The following B4GALNT4 variants were observed in gnomAD, a reference collection of about 807,000 sequenced individuals.
B4GALNT4 encodes beta-1,4-N-acetyl-galactosaminyltransferase 4, also known as N-acetyl-beta-glucosaminyl-glycoprotein 4-beta-N-acetylgalactosaminyltransferase 1.
In B4GALNT4, 77 loss-of-function variants were observed where a neutral mutation model predicts 110.0. That is an observed-to-expected ratio of 0.70 (90% confidence interval 0.58 to 0.85). The LOEUF is 0.85. Among genes scored for constraint, B4GALNT4 ranks in the 40% least tolerant of loss-of-function variants. B4GALNT4 has a pLI of 0.00. For missense variants in B4GALNT4, 1,575 were observed against 1,506.0 expected, an observed-to-expected ratio of 1.05 and a Z score of -0.76; for synonymous variants, 785 against 655.5, an observed-to-expected ratio of 1.20 and a Z score of -3.02.
Position 372,184 on chromosome 11 carries a change from C to A in B4GALNT4, c.227C>A (p.Ser76Tyr). The stretch of plus-strand genomic sequence containing the variant: ...CCATCCACACAGAGGGCTGAGGACT[C>A]CAGTGAGAGCCGTGAAGAGGAGCAA... ...AAPSTQRAED[S>Y]SESREEEQAP... The change falls in exon 2 of 20, where the codon TCC becomes TAC. Residue 76 changes from serine to tyrosine, a missense_variant. Physicochemically the swap from Ser to Tyr is moderately radical, Grantham distance 144. Coordinates refer to ENST00000329962, the MANE Select transcript of B4GALNT4 (RefSeq NM_178537.5). 1 of 1,550,142 alleles carries A rather than the reference C, an allele frequency of 6.5e-7. No homozygotes were observed. Among genetic ancestry groups the A allele is most frequent in the African/African-American group, 1.4e-5 (1 of 73,148 alleles).
In B4GALNT4 at chr11:376,885, A is replaced by C; in HGVS notation, c.1762A>C (p.Arg588=). 1 of 1,351,016 alleles carries C rather than the reference A, an allele frequency of 7.4e-7. No individual in the cohort carries two copies. Among genetic ancestry groups the C allele is most frequent in the Non-Finnish European group, 9.5e-7 (1 of 1,054,124 alleles). 83.7% of individuals were successfully genotyped at this position (1,351,016 alleles called of 1,614,324 possible). A position where few individuals can be genotyped will look rare whatever the true frequency, so the allele number is the denominator to read the frequency against. ...CGGCGGCCCCCAGGCCACACAGCCG[A>C]GGCCCCCAGCCCGGGCGCAGGCCAC... ...RTGGPQATQP[R]PPARAQATQG... The change falls in exon 14 of 20, where the codon AGG becomes CGG. Residue 588 remains arginine, a synonymous_variant. Transcript: ENST00000329962.
Position 376,925 on chromosome 11 carries a change from A to T in B4GALNT4, c.1802A>T (p.Glu601Val). ...ARAQATQGGREGQARTLGPAA... is the reference protein window; with the variant it reads ...ARAQATQGGRVGQARTLGPAA... ...GCGCAGGCCACCCAAGGGGGCCGGG[A>T]GGGCCAGGCGCGCACGCTGGGACCT... is the stretch of plus-strand genomic sequence containing the variant. Residue 601 changes from glutamate (E) to valine (V), a missense_variant, in exon 14 of 20, where the codon GAG becomes GTG. Glu to Val is a moderately radical substitution (Grantham distance 121). Coordinates refer to ENST00000329962, the MANE Select transcript of B4GALNT4 (RefSeq NM_178537.5). The T allele has an allele frequency of 7.2e-7, 1 of 1,394,222 alleles. No individual in the cohort carries two copies. 86.4% of individuals were successfully genotyped at this position (1,394,222 alleles called of 1,614,324 possible).
At position 377,072 on chromosome 11, in the gene B4GALNT4, A is replaced by C; in HGVS notation, c.1949A>C (p.Glu650Ala). 1 of 1,444,252 alleles carries C rather than the reference A, an allele frequency of 6.9e-7. No homozygotes were observed. The highest frequency in any genetic ancestry group is 9.1e-7 in the Non-Finnish European group (1 of 1,098,678). The allele number at this position is 1,444,252 out of a possible 1,614,324, so 89.5% of individuals were successfully genotyped here. ...PGEGEEEEEG[E>A]DDGAPGDEAA... ...GAGGGCGAAGAGGAGGAGGAAGGGG[A>C]GGACGATGGGGCCCCGGGCGACGAG... The change falls in exon 14 of 20, where the codon GAG (glutamate) becomes GCG (alanine). Residue 650 changes from glutamate (E) to alanine (A), a missense_variant. Physicochemically the swap from Glu to Ala is moderately radical, Grantham distance 107. Coordinates refer to ENST00000329962, the MANE Select transcript of B4GALNT4 (RefSeq NM_178537.5).
intron 1 of B4GALNT4, among the ~76,000 whole-genome samples, chr11:371,806 A>G (rs1846622823): frequency 6.6e-6 from 1 of 152,214 alleles, no homozygotes; most frequent in South Asian, 2.1e-4. Context: ...GGGTGCCTAC[A>G]CACGCCAGCT....
chr11:378,074 C>T (rs182226799), intron 14 of B4GALNT4, among the ~76,000 whole-genome samples: 1 of 151,922 alleles, frequency 6.6e-6, no homozygotes, highest in Non-Finnish European at 1.5e-5. Context: ...TGGAAGGTTG[C>T]GAGCAGAGCA....
chr11:380,965 C>T lies in B4GALNT4; in HGVS notation c.2996+14C>T. On this transcript the variant is annotated intron_variant, in intron 19 of 19. Coordinates refer to ENST00000329962, the MANE Select transcript of B4GALNT4 (RefSeq NM_178537.5). ...GCTCCTGGACAGGTGACCACCTCCC[C>T]ACTCCCCAGAGGTGACACCCTGACC... 1 of 1,608,994 alleles carries T rather than the reference C, an allele frequency of 6.2e-7. No individual in the cohort carries two copies. Among genetic ancestry groups the T allele is most frequent in the African/African-American group, 1.3e-5 (1 of 74,850 alleles).
intron 18 of B4GALNT4, 154 bp from the exon 19 acceptor site, chr11:380,671 G>GC: frequency 7.3e-7 from 1 of 1,369,546 alleles, no homozygotes; most frequent in Middle Eastern, 1.8e-4. Flanking sequence ...CGCGCTCCAG[G>GC]GTCATGACCC....
At chr11:373,869 TC>T (rs1459995005) in intron 8 of B4GALNT4, 41 bp downstream of exon 8, 7 of 1,577,798 alleles carry the variant, frequency 4.4e-6, no homozygotes, top group Non-Finnish European at 4.3e-6. Context: ...GAGACTCCAC[TC>T]CCCCCACCTC....
chr11:372,048 G>T, intron 1 of B4GALNT4, 61 bp from the exon 2 acceptor site: 1 of 1,395,664 alleles, frequency 7.2e-7, no homozygotes, highest in East Asian at 2.5e-5. Flanking sequence ...GAACCCAGCA[G>T]CAGGCAGAAT....
In B4GALNT4 at chr11:369,564, G is replaced by A. The variant is rs1157791366; in HGVS notation, c.-240G>A. ...CCGCCCCAGGAGCGCGGAGCCGGGA[G>A]CGGCCGGGCGGGGGGCACCGCGAGG... On this transcript the variant is annotated 5_prime_UTR_variant, in exon 1 of 20. Coordinates refer to ENST00000329962, the MANE Select transcript of B4GALNT4 (RefSeq NM_178537.5). 7.0e-6 allele frequency among the ~76,000 whole-genome samples: 1 copy of A among 143,630 alleles called. No homozygotes were observed. Among genetic ancestry groups the A allele is most frequent in the Non-Finnish European group, 1.5e-5 (1 of 64,938 alleles). The allele number at this position is 143,630 out of a possible 152,430, so 94.2% of individuals were successfully genotyped here.
intron 12 of B4GALNT4, 25 bp downstream of exon 12, chr11:376,199 G>T (rs778033940): frequency 6.3e-7 from 1 of 1,596,716 alleles, no homozygotes; most frequent in East Asian, 2.2e-5. Context: ...GGGCTAATGC[G>T]GGGCGGGGTG....
chr11:375,868 G>A lies in B4GALNT4; in HGVS notation c.1007G>A (p.Ser336Asn). 1 of 1,611,100 alleles carries A rather than the reference G, an allele frequency of 6.2e-7. No individual in the cohort carries two copies. The highest frequency in any genetic ancestry group is 8.5e-7 in the Non-Finnish European group (1 of 1,179,348). The change falls in exon 11 of 20, where the codon AGC (serine) becomes AAC (asparagine). Residue 336 changes from serine to asparagine, a missense_variant. Transcript: ENST00000329962. ...GCAGCTCCACGCATGGAATCTTCGA[G>A]CCTGGAGAACGTGCTGGAGCCCTGC... ...FFLTPRMESS[S>N]LENVLEPCAY...
chr11:369,653 C>A lies in B4GALNT4; in HGVS notation c.-151C>A. ...GCGGCCTGGGGGGGTCGCGGCCGCA[C>A]CCGGTGGCCGCGCACGGCGGACAAA... On this transcript the variant is annotated 5_prime_UTR_variant, in exon 1 of 20. Coordinates refer to ENST00000329962, the MANE Select transcript of B4GALNT4 (RefSeq NM_178537.5). The A allele has an allele frequency of 3.4e-6, 1 of 290,354 alleles. No homozygotes were observed. Among genetic ancestry groups the A allele is most frequent in the Non-Finnish European group, 5.0e-6 (1 of 198,890 alleles). 18.0% of individuals were successfully genotyped at this position (290,354 alleles called of 1,614,324 possible).
intron 6 of B4GALNT4, 46 bp from the exon 7 acceptor site, chr11:373,403 A>ACTGGGGG: frequency 7.9e-7 from 1 of 1,259,482 alleles, no homozygotes; most frequent in Non-Finnish European, 1.1e-6. Flanking sequence ...CCAGGGAGAG[A>ACTGGGGG]GTGAACCCCC....
Position 375,694 on chromosome 11 carries a change from C to T in B4GALNT4, c.906C>T (p.Ser302=). The T allele has an allele frequency of 6.3e-7, 1 of 1,594,126 alleles. No individual in the cohort carries two copies. The highest frequency in any genetic ancestry group is 8.5e-7 in the Non-Finnish European group (1 of 1,175,014). ...CGCACGTCCCCCAGTCTCCAGCCAG[C>T]CACGTGGGGGGGCGTCCGCCGCAGG... ...HVAHVPQSPA[S]HVGGRPPQEE... The change falls in exon 10 of 20, where the codon AGC becomes AGT. Residue 302 remains serine, a synonymous_variant. Transcript: ENST00000329962.
intron 4 of B4GALNT4, 38 bp from the exon 5 acceptor site, chr11:372,988 G>A (rs764807062): frequency 1.6e-5 from 25 of 1,612,290 alleles, no homozygotes; most frequent in Middle Eastern, 1.7e-4. Flanking sequence ...GGCAGGGCAC[G>A]CAGGGGGCTT....
intron 8 of B4GALNT4, among the ~76,000 whole-genome samples, chr11:374,057 T>TG (rs1214127306): frequency 6.6e-6 from 1 of 151,626 alleles, no homozygotes; most frequent in Non-Finnish European, 1.5e-5. Flanking sequence ...TAGGGAGATG[T>TG]GGGGGGCAGA....
chr11:381,538 C>T (rs1337985200), intron 19 of B4GALNT4, 131 bp from the exon 20 acceptor site: 38 of 122,534 alleles, frequency 3.1e-4, no homozygotes, highest in Non-Finnish European at 1.5e-5. Flanking sequence ...CCCCCGGCCC[C>T]GGGGTCCTGA....
rs377575836 is a variant in B4GALNT4 at position 380,904 on chromosome 11, G to C, written c.2949G>C (p.Glu983Asp). 26 of 1,613,630 alleles carry C rather than the reference G, an allele frequency of 1.6e-5. No individual in the cohort carries two copies. Among genetic ancestry groups the C allele is most frequent in the Middle Eastern group, 3.3e-4 (2 of 6,080 alleles). Reference protein sequence around the residue: ...DFDRVGGMNTEEFRDQWGGED... With the variant: ...DFDRVGGMNTDEFRDQWGGED... ...ACCGGGTTGGAGGAATGAACACGGA[G>C]GAGTTCCGAGACCAGTGGGGGGGTG... The change falls in exon 19 of 20, where the codon GAG (glutamate) becomes GAC (aspartate). Residue 983 changes from glutamate to aspartate, a missense_variant. By Grantham distance (45) the Glu-to-Asp change is conservative. Coordinates refer to ENST00000329962, the MANE Select transcript of B4GALNT4 (RefSeq NM_178537.5).
Sources: gnomAD v4.1 joint callset for allele counts (sites outside exome capture counted in the v4.1 genomes callset) on GRCh38, gnomAD v4.1.1 for gene constraint, MANE v1.5 for transcripts, NCBI Gene and HGNC (gene_info 2026-07-23, HGNC 2026-07-21) for gene names.